Variants in EFL1 observed in about 807,000 individuals in gnomAD.
EFL1 encodes elongation factor-like GTPase 1.
A neutral mutation model predicts 126.7 loss-of-function variants in EFL1; 76 were observed. That is an observed-to-expected ratio of 0.60 (90% CI 0.50 to 0.73). The LOEUF is 0.73. Among genes scored for constraint, EFL1 ranks in the 30% least tolerant of loss-of-function variants. EFL1 has a pLI of 0.00. For missense variants in EFL1, 1,128 were observed against 1,343.2 expected (o/e 0.84, Z 2.50); for synonymous variants, 410 against 448.4 (o/e 0.91, Z 1.08).
chr15:82,236,095 G>A (rs1033757757), intron 7 of EFL1, among the ~76,000 whole-genome samples: 2 of 151,584 alleles, frequency 1.3e-5, no homozygotes, highest in African/African-American at 4.9e-5. Context: ...GAAAAATTAA[G>A]TGTAAATCTA....
chr15:82,147,759 A>G (rs2073864195), intron 18 of EFL1, among the ~76,000 whole-genome samples: 1 of 152,144 alleles, frequency 6.6e-6, no homozygotes, highest in Non-Finnish European at 1.5e-5. Context: ...GAGTAATGAG[A>G]GTCTAAAAGA....
chr15:82,231,661 AG>A (rs1039852392), intron 7 of EFL1, among the ~76,000 whole-genome samples: 2 of 142,034 alleles, frequency 1.4e-5, no homozygotes, highest in African/African-American at 5.2e-5. Context: ...ATGCCTGCTC[AG>A]GAAAAAAAAA....
chr15:82,166,842 A>AT (rs1362453515), intron 15 of EFL1, among the ~76,000 whole-genome samples: 2 of 152,090 alleles, frequency 1.3e-5, no homozygotes, highest in East Asian at 3.9e-4. Flanking sequence ...AAATCATGTG[A>AT]TTTTCATTTC....
intron 4 of EFL1, among the ~76,000 whole-genome samples, chr15:82,246,597 T>G (rs893239482): frequency 1.3e-5 from 2 of 151,932 alleles, no homozygotes; most frequent in Non-Finnish European, 2.9e-5. Context: ...AAGAAAGACT[T>G]GAGCATGCTT....
chr15:82,151,396 G>C, intron 18 of EFL1, 69 bp downstream of exon 18: 1 of 1,446,302 alleles, frequency 6.9e-7, no homozygotes, highest in Admixed American at 2.2e-5. Context: ...TCAAAAACAA[G>C]ATTTTGAGTC....
intron 15 of EFL1, among the ~76,000 whole-genome samples, chr15:82,212,193 T>C (rs567981765): frequency 6.6e-6 from 1 of 152,360 alleles, no homozygotes; most frequent in Non-Finnish European, 1.5e-5. Context: ...GCTACAGCAA[T>C]AAAATGTACT....
At chr15:82,243,955 A>G (rs1183855229) in intron 4 of EFL1, among the ~76,000 whole-genome samples, 1 of 152,130 alleles carries the variant, frequency 6.6e-6, no homozygotes, top group African/African-American at 2.4e-5. Context: ...CACATCACAC[A>G]TACATATTAA....
chr15:82,156,673 T>A (rs953920271), intron 17 of EFL1, among the ~76,000 whole-genome samples: 1 of 147,514 alleles, frequency 6.8e-6, no homozygotes, highest in Non-Finnish European at 1.5e-5. Context: ...AAGATTGAGA[T>A]AAATAGTGCT....
chr15:82,186,761 C>A (rs1273715175), intron 15 of EFL1, among the ~76,000 whole-genome samples: 1 of 152,134 alleles, frequency 6.6e-6, no homozygotes, highest in African/African-American at 2.4e-5. Flanking sequence ...GTTCTAGTCC[C>A]ACATGACTCA....
chr15:82,195,661 C>T (rs1397425009), intron 15 of EFL1, among the ~76,000 whole-genome samples: 1 of 152,174 alleles, frequency 6.6e-6, no homozygotes, highest in Non-Finnish European at 1.5e-5. Flanking sequence ...AGAATATCTC[C>T]TAGAACTTCC....
chr15:82,164,139 T>G (rs1169768877), intron 15 of EFL1, among the ~76,000 whole-genome samples, 155 bp from the exon 16 acceptor site: 1 of 152,062 alleles, frequency 6.6e-6, no homozygotes, highest in Non-Finnish European at 1.5e-5. Context: ...TTTTTTTTTT[T>G]GTACACCTGG....
chr15:82,225,239 G>A lies in EFL1; in HGVS notation c.1218C>T (p.Asp406=), dbSNP rs2074750934. 2 of 1,609,770 alleles carry A rather than the reference G, an allele frequency of 1.2e-6. No individual in the cohort carries two copies. The highest frequency in any genetic ancestry group is 1.7e-4 in the Middle Eastern group (1 of 6,050). The change falls in exon 12 of 20, where the codon GAC becomes GAT. Residue 406 remains aspartate (D), a synonymous_variant. Transcript: ENST00000268206. ...AAACAAATATAATAACTGGAGCAGT[G>A]TCCTCACTTCCACATTTCATAAAAG... ...KAAFMKCGSE[D]TAPVIIFVSK... is the part of the protein sequence containing the mutation.
In EFL1 at chr15:82,136,248, T is replaced by A. The variant is rs547788017; in HGVS notation, c.3174+2410A>T. Among the ~76,000 whole-genome samples, 6 of 152,312 alleles carry A rather than the reference T, an allele frequency of 3.9e-5. No homozygotes were observed. The South Asian group carries it at 1.2e-3, about 32-fold the overall frequency. ...CCATTACAACAGCTCTGAATGCCTATTTGGGATCTGCATTTACAGACAATC... is the reference window on the plus strand; with the variant it reads ...CCATTACAACAGCTCTGAATGCCTAATTGGGATCTGCATTTACAGACAATC... On this transcript the variant is annotated intron_variant, in intron 19 of 19. Transcript: ENST00000268206.
chr15:82,160,969 G>C (rs1256016144), intron 16 of EFL1, among the ~76,000 whole-genome samples: 3 of 152,206 alleles, frequency 2.0e-5, no homozygotes, highest in East Asian at 3.8e-4. Flanking sequence ...CAATTATAAT[G>C]AAGAAAATAA....
chr15:82,255,837 A>G (rs1200021559), intron 3 of EFL1, among the ~76,000 whole-genome samples: 1 of 152,206 alleles, frequency 6.6e-6, no homozygotes, highest in African/African-American at 2.4e-5. Flanking sequence ...ACAACACATC[A>G]ACACATTGAT....
At chr15:82,240,704 C>A (rs2074922359) in intron 5 of EFL1, 149 bp from the exon 6 acceptor site, 1 of 845,542 alleles carries the variant, frequency 1.2e-6, no homozygotes, top group Non-Finnish European at 1.8e-6. Context: ...AGCGGAGTAG[C>A]AAAGAACTAC....
rs574190855 is a variant in EFL1 at position 82,239,996 on chromosome 15, T to G, written c.516+422A>C. On this transcript the variant is annotated intron_variant, in intron 6 of 19. Coordinates refer to ENST00000268206, the MANE Select transcript of EFL1 (RefSeq NM_024580.6). ...AATAGGGATTCTGACCTGTTCATCT[T>G]ATATTCACAATCCCTAGTGCACAAT... Among the ~76,000 whole-genome samples, 6 of 152,330 alleles carry G rather than the reference T, an allele frequency of 3.9e-5. No individual in the cohort carries two copies. The East Asian group carries it at 1.2e-3, about 29-fold the overall frequency.
chr15:82,179,534 CCA>C (rs568779141), intron 15 of EFL1, among the ~76,000 whole-genome samples: 11 of 151,990 alleles, frequency 7.2e-5, no homozygotes, highest in Non-Finnish European at 1.3e-4. Flanking sequence ...TGGAGAGAGC[CCA>C]GTTTTCCTGA....
chr15:82,260,063 A>G lies in EFL1; in HGVS notation c.92-908T>C, dbSNP rs117741157. Reference sequence around the variant, plus strand: ...GCAGGAACTTTGCTTTATTCACAGCAGTATCCCTAGGACCAGAACAACGCT... The same window carrying G: ...GCAGGAACTTTGCTTTATTCACAGCGGTATCCCTAGGACCAGAACAACGCT... On this transcript the variant is annotated intron_variant, in intron 2 of 19. Transcript: ENST00000268206. Among the ~76,000 whole-genome samples the G allele has an allele frequency of 1.3e-3, 191 of 152,338 alleles. 1 individual carries two copies. The highest frequency in any genetic ancestry group is 2.3e-3 in the Non-Finnish European group (154 of 68,026).
Sources: allele counts gnomAD v4.1 joint callset (sites outside exome capture counted in the v4.1 genomes callset), GRCh38; gene constraint gnomAD v4.1.1; transcripts MANE v1.5; gene names NCBI Gene and HGNC (gene_info 2026-07-23, HGNC 2026-07-21).